POC1B: variants seen among roughly 807,000 people sequenced by gnomAD.
The protein encoded by POC1B is POC1 centriolar protein B, also known as POC1 centriolar protein homolog B.
POC1B carries 44 observed loss-of-function variants against 60.6 expected under a neutral mutation model. The observed-to-expected ratio is 0.73, with a 90% confidence interval of 0.57 to 0.93. The LOEUF is 0.93. POC1B is among the 40% of genes least tolerant of loss of function. POC1B has a pLI of 0.00. For missense variants in POC1B, 555 were observed against 572.3 expected, an observed-to-expected ratio of 0.97 and a Z score of 0.31; for synonymous variants, 180 against 198.9, an observed-to-expected ratio of 0.90 and a Z score of 0.80.
intron 4 of POC1B, among the ~76,000 whole-genome samples, chr12:89,475,845 G>A (rs1456082096): frequency 1.4e-5 from 2 of 147,858 alleles, no homozygotes; most frequent in African/African-American, 2.5e-5. Context: ...CATATGAGAA[G>A]TTAGCTGAAC....
chr12:89,524,935 G>A, intron 2 of POC1B, 185 bp downstream of exon 2: 3 of 945,924 alleles, frequency 3.2e-6, no homozygotes, highest in Non-Finnish European at 4.6e-6. Flanking sequence ...GCCGGGGGCT[G>A]GGGGCCGGGA....
At chr12:89,418,219 A>C (rs1228683716), downstream of POC1B, among the ~76,000 whole-genome samples, 1 of 152,190 alleles carries the variant, frequency 6.6e-6, no homozygotes, top group Non-Finnish European at 1.5e-5. Context: ...GAGGGCAGAA[A>C]GTTCTAGGCA....
chr12:89,519,473 A>G lies in POC1B; in HGVS notation c.100+5647T>C, dbSNP rs573471211. 3 of 152,542 alleles carry G rather than the reference A, an allele frequency of 2.0e-5. No homozygotes were observed. In the South Asian group the frequency reaches 6.2e-4, roughly 32 times the overall value. 9.4% of individuals were successfully genotyped at this position (152,542 alleles called of 1,614,324 possible). A position where few individuals can be genotyped will look rare whatever the true frequency, so the allele number is the denominator to read the frequency against. The stretch of plus-strand genomic sequence containing the variant: ...TCTTAATCAACATTACAAATACAAA[A>G]GGAAAAAAGTCAGAAACAACTCATC... On this transcript the variant is annotated intron_variant, in intron 2 of 11. Coordinates refer to ENST00000313546, the MANE Select transcript of POC1B (RefSeq NM_172240.3).
the POC1B span, among the ~76,000 whole-genome samples, chr12:89,413,486 T>C: frequency 2.0e-5 from 3 of 152,224 alleles, no homozygotes; most frequent in African/African-American, 7.2e-5. Flanking sequence ...TGTGAGCTAC[T>C]ATGCCCAGCC....
chr12:89,451,632 C>T (rs1882044886), intron 10 of POC1B, among the ~76,000 whole-genome samples: 1 of 152,134 alleles, frequency 6.6e-6, no homozygotes, highest in African/African-American at 2.4e-5. Flanking sequence ...ATAACCAGTT[C>T]ACTGAGATGG....
intron 10 of POC1B, among the ~76,000 whole-genome samples, chr12:89,431,635 A>T (rs947350555): frequency 6.6e-6 from 1 of 152,250 alleles, no homozygotes; most frequent in African/African-American, 2.4e-5. Flanking sequence ...TAATCTCTAC[A>T]TAAGATCTAA....
intron 9 of POC1B, 184 bp downstream of exon 9, chr12:89,466,586 G>A (rs1321082741): frequency 2.1e-6 from 1 of 484,992 alleles, no homozygotes; most frequent in African/African-American, 2.0e-5. Flanking sequence ...TTTTACTTCT[G>A]GGCCTTCAAG....
intron 4 of POC1B, among the ~76,000 whole-genome samples, chr12:89,474,579 T>C (rs1203012282): frequency 6.6e-6 from 1 of 152,158 alleles, no homozygotes; most frequent in Non-Finnish European, 1.5e-5. Flanking sequence ...CTACTGCTTG[T>C]CTCAATTTAC....
chr12:89,432,202 G>C (rs1265193448), intron 10 of POC1B, among the ~76,000 whole-genome samples: 2 of 151,682 alleles, frequency 1.3e-5, no homozygotes, highest in East Asian at 1.9e-4. Context: ...TGGGCAACAC[G>C]GTGAAACCCT....
intron 4 of POC1B, among the ~76,000 whole-genome samples, chr12:89,477,506 A>ACCCT (rs751117371): frequency 6.6e-6 from 1 of 151,802 alleles, no homozygotes; most frequent in Non-Finnish European, 1.5e-5. Context: ...AAATGAATTC[A>ACCCT]CCCTCTTCCT....
At chr12:89,519,447 A>G (rs1291991023) in intron 2 of POC1B, 2 of 152,266 alleles carry the variant, frequency 1.3e-5, no homozygotes, top group East Asian at 1.9e-4. Context: ...TTTATTTTAC[A>G]TCTTAATCAA....
intron 10 of POC1B, among the ~76,000 whole-genome samples, chr12:89,439,181 G>C (rs1881406418): frequency 2.0e-5 from 3 of 152,146 alleles, no homozygotes; most frequent in Admixed American, 2.0e-4. Flanking sequence ...CAGGAAGCTT[G>C]TTTTCAAGCT....
At chr12:89,488,344 T>A (rs1456289909) in intron 4 of POC1B, among the ~76,000 whole-genome samples, 2 of 152,148 alleles carry the variant, frequency 1.3e-5, no homozygotes, top group Non-Finnish European at 2.9e-5. Flanking sequence ...ATCCTCAGGG[T>A]TACATGGTCT....
intron 2 of POC1B, among the ~76,000 whole-genome samples, chr12:89,510,059 G>C (rs1190639067): frequency 5.9e-5 from 9 of 152,256 alleles, no homozygotes; most frequent in African/African-American, 1.9e-4. Flanking sequence ...ATATTGTCCA[G>C]GCTGGTCTCG....
chr12:89,497,787 CACTT>C (rs560397484), intron 2 of POC1B, among the ~76,000 whole-genome samples: 316 of 152,292 alleles, frequency 2.1e-3, no homozygotes, highest in African/African-American at 7.3e-3. Flanking sequence ...AATAATTTCA[CACTT>C]ACAGAAAAGT....
At chr12:89,446,497 C>T (rs566374307) in intron 10 of POC1B, among the ~76,000 whole-genome samples, 1 of 152,184 alleles carries the variant, frequency 6.6e-6, no homozygotes, top group East Asian at 1.9e-4. Context: ...CAAACTATTG[C>T]AAGGACAGAA....
chr12:89,429,527 T>C (rs903138946), intron 10 of POC1B: 17 of 152,252 alleles, frequency 1.1e-4, no homozygotes, highest in Non-Finnish European at 1.2e-4. Context: ...TCTCAGCACA[T>C]TGAGATACTC....
chr12:89,403,358 T>C, the POC1B span, among the ~76,000 whole-genome samples: 4 of 152,086 alleles, frequency 2.6e-5, no homozygotes, highest in Non-Finnish European at 5.9e-5. Context: ...AATTTGAAAC[T>C]GTGATGAGAG....
chr12:89,521,396 C>G (rs551828831), intron 2 of POC1B: 4 of 152,452 alleles, frequency 2.6e-5, no homozygotes, highest in African/African-American at 9.6e-5. Context: ...AGCCACCGCA[C>G]CCGGCCTCCC....
Sources: gnomAD v4.1 joint callset for allele counts (sites outside exome capture counted in the v4.1 genomes callset) on GRCh38, gnomAD v4.1.1 for gene constraint, MANE v1.5 for transcripts, NCBI Gene and HGNC (gene_info 2026-07-23, HGNC 2026-07-21) for gene names.